KLHL8: variants seen among roughly 807,000 people sequenced by gnomAD.
The protein encoded by KLHL8 is kelch like family member 8.
KLHL8 carries 38 observed loss-of-function variants against 63.5 expected under a neutral mutation model. The ratio of observed to expected loss-of-function variants is 0.60; its 90% confidence interval spans 0.46 to 0.78. The LOEUF is 0.78. Ranked by LOEUF, KLHL8 falls within the 30% of genes least tolerant of loss-of-function variation. KLHL8 has a pLI of 0.00. For synonymous variants in KLHL8, 224 were observed against 254.3 expected (o/e 0.88, Z 1.13); for missense variants, 566 against 752.4 (o/e 0.75, Z 2.90).
At chr4:87,186,512 C>T (rs1578375741) in intron 2 of KLHL8, among the ~76,000 whole-genome samples, 1 of 150,626 alleles carries the variant, frequency 6.6e-6, no homozygotes, top group Admixed American at 6.6e-5. Flanking sequence ...TAGGGTCTCA[C>T]CCTGTTGCCC....
At chr4:87,203,731 G>A (rs1431953744) in intron 1 of KLHL8, among the ~76,000 whole-genome samples, 3 of 150,848 alleles carry the variant, frequency 2.0e-5, no homozygotes, top group Admixed American at 6.6e-5. Context: ...AGAAAACACA[G>A]AAAAACTTCA....
intron 2 of KLHL8, among the ~76,000 whole-genome samples, chr4:87,193,498 T>C (rs1410871736): frequency 6.6e-6 from 1 of 152,232 alleles, no homozygotes; most frequent in Non-Finnish European, 1.5e-5. Context: ...TTTCTTGTTT[T>C]TATTAAGAAT....
chr4:87,187,250 G>A (rs1020003872), intron 2 of KLHL8, among the ~76,000 whole-genome samples: 1 of 151,990 alleles, frequency 6.6e-6, no homozygotes, highest in Non-Finnish European at 1.5e-5. Context: ...TGTTGTTGTT[G>A]TACAAAGTCT....
intron 1 of KLHL8, chr4:87,207,563 T>G: frequency 8.7e-7 from 1 of 1,143,304 alleles, no homozygotes; most frequent in Non-Finnish European, 1.3e-6. Flanking sequence ...TTAGCGCCCC[T>G]GGCCAATGTC....
intron 1 of KLHL8, among the ~76,000 whole-genome samples, chr4:87,198,829 C>T (rs1731801512): frequency 6.6e-6 from 1 of 152,126 alleles, no homozygotes; most frequent in South Asian, 2.1e-4. Context: ...ATTTGCACAC[C>T]CATGTTCACT....
rs141679196 is a variant in KLHL8, at chr4:87,168,368, A to G, written c.1537+1711T>C. Among the ~76,000 whole-genome samples, 612 of 152,278 alleles carry G rather than the reference A, an allele frequency of 4.0e-3. 4 individuals are homozygous for G. Among genetic ancestry groups the G allele is most frequent in the African/African-American group, 0.014 (595 of 41,566 alleles). Reference sequence around the variant, plus strand: ...ATTGTAGTAAAGGTGAAGACTCCTAAGGAACAGCGCTTGGTGTTGGCCTTA... The same window carrying G: ...ATTGTAGTAAAGGTGAAGACTCCTAGGGAACAGCGCTTGGTGTTGGCCTTA... On this transcript the variant is annotated intron_variant, in intron 8 of 9. Transcript: ENST00000273963.
At chr4:87,178,848 T>A (rs1416461536) in intron 4 of KLHL8, among the ~76,000 whole-genome samples, 1 of 152,204 alleles carries the variant, frequency 6.6e-6, no homozygotes, top group Non-Finnish European at 1.5e-5. Flanking sequence ...TGGTTTATAC[T>A]CTCACCTACC....
Position 87,163,975 on chromosome 4 carries a change from C to T in KLHL8, c.1642G>A (p.Gly548Arg). 2 of 1,614,144 alleles carry T rather than the reference C, an allele frequency of 1.2e-6. No individual in the cohort carries two copies. The highest frequency in any genetic ancestry group is 1.7e-6 in the Non-Finnish European group (2 of 1,180,028). Reference protein sequence around the residue: ...AALTTPRGGVGIATVMGKIFA... With the variant: ...AALTTPRGGVRIATVMGKIFA... ...ATTTTGCCCATCACTGTTGCGATTC[C>T]CACTCCACCTCTGGGAGTAGTAAGT... The change falls in exon 9 of 10, where the codon GGA becomes AGA. Residue 548 changes from glycine (G) to arginine (R), a missense_variant. By Grantham distance (125) the Gly-to-Arg change is moderately radical. Coordinates refer to ENST00000273963, the MANE Select transcript of KLHL8 (RefSeq NM_020803.5).
In KLHL8 at chr4:87,207,374, A is replaced by G. The variant is rs1732174351; in HGVS notation, c.-151-11684T>C. On this transcript the variant is annotated intron_variant, in intron 1 of 9. Transcript: ENST00000273963. The stretch of plus-strand genomic sequence containing the variant: ...AATGCTGACGCTGAGTACGTTGTGG[A>G]GTCCACTGGTGTTTTCACCCCCATG... 3 of 663,440 alleles carry G rather than the reference A, an allele frequency of 4.5e-6. No individual in the cohort carries two copies. The Admixed American group carries it at 5.8e-5, about 13-fold the overall frequency. 41.1% of individuals were successfully genotyped at this position (663,440 alleles called of 1,614,324 possible).
intron 1 of KLHL8, among the ~76,000 whole-genome samples, chr4:87,211,734 G>A (rs543001678): frequency 2.6e-5 from 4 of 152,312 alleles, no homozygotes; most frequent in African/African-American, 9.6e-5. Context: ...GAGTTGGAAA[G>A]AATAATTTCC....
chr4:87,210,089 C>T (rs1255242757), intron 1 of KLHL8, among the ~76,000 whole-genome samples: 1 of 152,060 alleles, frequency 6.6e-6, no homozygotes. Flanking sequence ...AACTCGTGAG[C>T]TCCAGCAATC....
intron 8 of KLHL8, 115 bp from the exon 9 acceptor site, chr4:87,164,194 A>G (rs1255613341): frequency 2.0e-6 from 2 of 992,658 alleles, no homozygotes; most frequent in East Asian, 2.6e-5. Context: ...AATGGTTTAG[A>G]GAAAATTTTT....
chr4:87,232,070 A>T (rs1733146316), intron 1 of KLHL8, among the ~76,000 whole-genome samples: 1 of 152,238 alleles, frequency 6.6e-6, no homozygotes, highest in Non-Finnish European at 1.5e-5. Context: ...TTACTGGTAT[A>T]TGAGGTTAAT....
intron 1 of KLHL8, among the ~76,000 whole-genome samples, chr4:87,202,994 C>T (rs1381519154): frequency 1.3e-5 from 2 of 152,070 alleles, no homozygotes; most frequent in Non-Finnish European, 2.9e-5. Flanking sequence ...TGCAAGGCTG[C>T]TTCAATATTC....
chr4:87,226,664 T>A (rs1228028100), intron 1 of KLHL8, among the ~76,000 whole-genome samples: 2 of 39,436 alleles, frequency 5.1e-5, no homozygotes, highest in African/African-American at 1.2e-4. Flanking sequence ...TACTTATATA[T>A]AATATATATT....
At chr4:87,174,928 C>G (rs1730767413) in intron 6 of KLHL8, among the ~76,000 whole-genome samples, 1 of 152,142 alleles carries the variant, frequency 6.6e-6, no homozygotes, top group Non-Finnish European at 1.5e-5. Flanking sequence ...AATCAACATA[C>G]ACTCTTAAAA....
chr4:87,240,486 C>A (rs549728664), upstream of KLHL8, among the ~76,000 whole-genome samples: 1 of 152,162 alleles, frequency 6.6e-6, no homozygotes, highest in Non-Finnish European at 1.5e-5. Context: ...CTCATTACAG[C>A]ATGAGTTATC....
intron 4 of KLHL8, among the ~76,000 whole-genome samples, chr4:87,180,982 G>A (rs1731028708): frequency 6.6e-6 from 1 of 152,106 alleles, no homozygotes; most frequent in Non-Finnish European, 1.5e-5. Flanking sequence ...GGCACAGTGA[G>A]CTGTGATTGC....
chr4:87,228,870 C>T (rs11939399), intron 1 of KLHL8, among the ~76,000 whole-genome samples: 16,723 of 152,196 alleles, frequency 0.11, 1,648 homozygotes, highest in African/African-American at 0.25. Flanking sequence ...TAAATGGTTG[C>T]TACCAGTCAT....
Sources: allele counts gnomAD v4.1 joint callset (sites outside exome capture counted in the v4.1 genomes callset), GRCh38; gene constraint gnomAD v4.1.1; transcripts MANE v1.5; gene names NCBI Gene and HGNC (gene_info 2026-07-23, HGNC 2026-07-21).